RPH3AL: variants seen among roughly 807,000 people sequenced by gnomAD.
RPH3AL encodes rabphilin 3A like (without C2 domains), also known as rab effector Noc2.
RPH3AL carries 38 observed loss-of-function variants against 43.1 expected under a neutral mutation model. The observed-to-expected ratio is 0.88, with a 90% CI of 0.68 to 1.15. The LOEUF is 1.15. Among genes scored for constraint, RPH3AL ranks in the 50% most tolerant of loss-of-function variants. RPH3AL has a pLI of 0.00. For synonymous variants in RPH3AL, 189 were observed against 176.3 expected, an observed-to-expected ratio of 1.07 and a Z score of -0.57; for missense variants, 462 against 423.2, an observed-to-expected ratio of 1.09 and a Z score of -0.81.
intron 7 of RPH3AL, among the ~76,000 whole-genome samples, chr17:223,812 C>T (rs2041046095): frequency 6.6e-6 from 1 of 152,206 alleles, no homozygotes; most frequent in Non-Finnish European, 1.5e-5. Flanking sequence ...AACAAGCAAC[C>T]AGAGGCTGGA....
rs549377359 is a variant in RPH3AL, at chr17:321,215, C to A, written c.221+57G>T. The A allele has an allele frequency of 2.6e-6, 4 of 1,568,526 alleles. No homozygotes were observed. The African/African-American group carries it at 4.0e-5, about 16-fold the overall frequency. ...GGAGTGCCGGCCTCCCAGTCCCCTG[C>A]GCTTGCGCCAAAGCCCTTGCTGTCC... On this transcript the variant is annotated intron_variant, in intron 4 of 9. Transcript: ENST00000331302.
At chr17:297,362 A>C (rs548440693) in intron 5 of RPH3AL, among the ~76,000 whole-genome samples, 10 of 152,292 alleles carry the variant, frequency 6.6e-5, no homozygotes, top group African/African-American at 2.4e-4. Flanking sequence ...ATCGAACCCA[A>C]AGTATGGGTT....
At chr17:317,288 C>G (rs1598114071) in intron 5 of RPH3AL, among the ~76,000 whole-genome samples, 1 of 151,196 alleles carries the variant, frequency 6.6e-6, no homozygotes. Flanking sequence ...GACCTGTAGT[C>G]TCTCTGTCCC....
At chr17:294,329 T>C (rs34724309) in intron 5 of RPH3AL, among the ~76,000 whole-genome samples, 21,687 of 152,108 alleles carry the variant, frequency 0.14, 1,715 homozygotes, top group East Asian at 0.36. Context: ...TAGCCGAGCA[T>C]GCTGGTGCAC....
At chr17:337,168 T>A (rs2044979875) in intron 1 of RPH3AL, among the ~76,000 whole-genome samples, 1 of 151,852 alleles carries the variant, frequency 6.6e-6, no homozygotes, top group South Asian at 2.1e-4. Flanking sequence ...CAGGCTGGAG[T>A]GCAGTGGCAC....
intron 1 of RPH3AL, 75 bp from the exon 2 acceptor site, chr17:334,009 G>T (rs1218662591): frequency 5.2e-5 from 8 of 152,422 alleles, no homozygotes; most frequent in Admixed American, 1.3e-4. Context: ...CTACTTAAAA[G>T]AAGGCTTCTA....
chr17:323,825 G>A lies in RPH3AL; in HGVS notation c.78-2410C>T, dbSNP rs1337515866. Among the ~76,000 whole-genome samples, 4 of 143,594 alleles carry A rather than the reference G, an allele frequency of 2.8e-5. No homozygotes were observed. The highest frequency in any genetic ancestry group is 2.1e-4 in the East Asian group (1 of 4,768). 94.2% of individuals were successfully genotyped at this position (143,594 alleles called of 152,430 possible). On this transcript the variant is annotated intron_variant, in intron 3 of 9. Coordinates refer to ENST00000331302, the MANE Select transcript of RPH3AL (RefSeq NM_006987.4). The surrounding 1 kb of genome is among the most constrained non-coding windows in gnomAD (Gnocchi z 4.4). ...AGGCCCGGACCCTCCATCACCCCGCGAGACAGTCCAGACCCTCAGTCACCT... is the reference window on the plus strand; with the variant it reads ...AGGCCCGGACCCTCCATCACCCCGCAAGACAGTCCAGACCCTCAGTCACCT...
intron 1 of RPH3AL, chr17:338,714 G>A (rs767415384): frequency 3.3e-5 from 5 of 152,214 alleles, no homozygotes; most frequent in Non-Finnish European, 5.9e-5. Flanking sequence ...CGTGATGTAT[G>A]TGGGTCTGGA....
At chr17:240,978 A>G (rs947729314) in intron 7 of RPH3AL, among the ~76,000 whole-genome samples, 6 of 151,422 alleles carry the variant, frequency 4.0e-5, no homozygotes, top group African/African-American at 1.2e-4. Context: ...AATTGCTTGA[A>G]CCCAGGAGGC....
intron 6 of RPH3AL, among the ~76,000 whole-genome samples, chr17:272,967 T>TGAGACCCCAGCGACGGCGACATCAGGAA (rs1567604361): frequency 2.0e-5 from 1 of 50,460 alleles, no homozygotes; most frequent in African/African-American, 9.0e-5. Flanking sequence ...TACGTCAGGG[T>TGAGACCCCAGCGACGGCGACATCAGGAA]GAGACCCCAG....
chr17:237,991 C>CA (rs34821768), intron 7 of RPH3AL, among the ~76,000 whole-genome samples: 98,617 of 151,766 alleles, frequency 0.65, 32,571 homozygotes, highest in African/African-American at 0.77. Context: ...TCTACAGATA[C>CA]AAAAAAATTA....
intron 7 of RPH3AL, among the ~76,000 whole-genome samples, chr17:241,208 G>C (rs2041525673): frequency 1.3e-5 from 2 of 152,112 alleles, no homozygotes; most frequent in Non-Finnish European, 2.9e-5. Context: ...GGACAACACA[G>C]TGAGGCTCCC....
At chr17:340,168 G>A (rs527350278) in intron 1 of RPH3AL, among the ~76,000 whole-genome samples, 4 of 152,020 alleles carry the variant, frequency 2.6e-5, no homozygotes, top group East Asian at 1.9e-4. Context: ...GCTCAGACCC[G>A]GCCAATCCTG....
Position 331,609 on chromosome 17 carries a change from A to G in RPH3AL, c.-37+2150T>C, listed in dbSNP as rs1053044570. ...GGAGGCACATTTTAGGAAACTGCCCACGGAGCCAGTTTCGATTCTCCAAAC... is the reference window on the plus strand; with the variant it reads ...GGAGGCACATTTTAGGAAACTGCCCGCGGAGCCAGTTTCGATTCTCCAAAC... On this transcript the variant is annotated intron_variant, in intron 2 of 9. Transcript: ENST00000331302. The G allele has an allele frequency of 9.3e-6, 12 of 1,287,064 alleles. No individual in the cohort carries two copies. In the South Asian group the frequency reaches 1.4e-4, roughly 15 times the overall value. The allele number at this position is 1,287,064 out of a possible 1,614,324, so 79.7% of individuals were successfully genotyped here. A position where few individuals can be genotyped will look rare whatever the true frequency, so the allele number is the denominator to read the frequency against.
chr17:309,753 CCAGGCTCCTGCCA>C (rs777232735), intron 5 of RPH3AL, among the ~76,000 whole-genome samples: 206 of 150,946 alleles, frequency 1.4e-3, no homozygotes, highest in Middle Eastern at 3.4e-3. Context: ...CTGCCCTGCC[CCAGGCTCCTGCCA>C]GCCCCCCTGC....
In RPH3AL at chr17:289,080, G is replaced by C. The variant is rs1274126301; in HGVS notation, c.352-7226C>G. 6.6e-6 allele frequency among the ~76,000 whole-genome samples: 1 copy of C among 152,182 alleles called. No homozygotes were observed. The highest frequency in any genetic ancestry group is 1.9e-4 in the East Asian group (1 of 5,200). On this transcript the variant is annotated intron_variant, in intron 5 of 9. Transcript: ENST00000331302. This position sits in a 1 kb window ranked among gnomAD's most constrained non-coding sequence, Gnocchi z 5.2. ...CCACGGGACACAGGCTTTGGGGCAG[G>C]AGAGAGCAGGGTGTGCCGTTTAGAG...
At chr17:243,961 C>A (rs1555538447) in intron 7 of RPH3AL, among the ~76,000 whole-genome samples, 1 of 150,736 alleles carries the variant, frequency 6.6e-6, no homozygotes, top group African/African-American at 2.4e-5. Flanking sequence ...ATTACCCTTC[C>A]TCTACTGATT....
chr17:343,916 C>T (rs1451724199), intron 1 of RPH3AL, among the ~76,000 whole-genome samples: 1 of 76,626 alleles, frequency 1.3e-5, no homozygotes, highest in Non-Finnish European at 2.7e-5. Flanking sequence ...GCCATCATGG[C>T]CATCCTCATC....
chr17:324,722 T>G (rs186459058), intron 3 of RPH3AL, among the ~76,000 whole-genome samples: 1 of 151,854 alleles, frequency 6.6e-6, no homozygotes, highest in African/African-American at 2.4e-5. Flanking sequence ...TATCTATCTA[T>G]CTATCTATCT....
Sources: allele counts gnomAD v4.1 joint callset (sites outside exome capture counted in the v4.1 genomes callset), GRCh38; gene constraint gnomAD v4.1.1; non-coding constraint Gnocchi (gnomAD v3.1); transcripts MANE v1.5; gene names NCBI Gene and HGNC (gene_info 2026-07-23, HGNC 2026-07-21).